MILR1: variants seen among roughly 807,000 people sequenced by gnomAD.
MILR1 encodes allergin-1.
MILR1 carries 31 observed loss-of-function variants against 18.5 expected under a neutral mutation model. The observed-to-expected ratio is 1.68, with a 90% CI of 1.26 to 2.26. MILR1 has a LOEUF of 2.26. Ranked by LOEUF, MILR1 falls within the 30% of genes most tolerant of loss-of-function variation. The probability of loss-of-function intolerance (pLI) is 0.00; values close to 1 mark genes in which losing one functional copy is unlikely to be tolerated. For synonymous variants in MILR1, 85 were observed against 56.2 expected (o/e 1.51, Z -2.30); for missense variants, 257 against 157.4 (o/e 1.63, Z -3.38).
At chr17:64,483,638 C>T in the MILR1 span, among the ~76,000 whole-genome samples, 1 of 151,876 alleles carries the variant, frequency 6.6e-6, no homozygotes, top group Non-Finnish European at 1.5e-5. Context: ...ACCATTTCAA[C>T]TTTCTCTCTC....
At chr17:64,453,865 C>T (rs1351339474) in intron 3 of MILR1, among the ~76,000 whole-genome samples, 8 of 152,032 alleles carry the variant, frequency 5.3e-5, no homozygotes, top group Non-Finnish European at 1.2e-4. Context: ...TTGAGTGGTC[C>T]TCTATGTCTA....
At chr17:64,494,479 G>A in the MILR1 span, among the ~76,000 whole-genome samples, 8 of 152,088 alleles carry the variant, frequency 5.3e-5, no homozygotes, top group East Asian at 1.9e-4. Flanking sequence ...CAATGATATC[G>A]GGGTTTGCAA....
the MILR1 span, among the ~76,000 whole-genome samples, chr17:64,477,613 CAATTTGCTT>C: frequency 6.6e-6 from 1 of 152,132 alleles, no homozygotes; most frequent in African/African-American, 2.4e-5. Context: ...AAACAAACCC[CAATTTGCTT>C]AATCCAGTAT....
chr17:64,487,386 G>GCTC, the MILR1 span: 3 of 152,290 alleles, frequency 2.0e-5, no homozygotes, highest in Middle Eastern at 6.8e-3. Flanking sequence ...GGCCATGGTG[G>GCTC]ACGAATCACT....
the MILR1 span, among the ~76,000 whole-genome samples, chr17:64,488,794 C>T: frequency 3.3e-5 from 5 of 151,848 alleles, no homozygotes; most frequent in Admixed American, 6.6e-5. Context: ...ATGGTGAAAC[C>T]CTGTCTCTAC....
chr17:64,481,369 A>C, the MILR1 span: 2 of 985,136 alleles, frequency 2.0e-6, no homozygotes, highest in Non-Finnish European at 2.4e-6. Flanking sequence ...AAAGTCTTTA[A>C]ATCTTTTTAG....
chr17:64,495,854 G>A, the MILR1 span, among the ~76,000 whole-genome samples: 1 of 151,876 alleles, frequency 6.6e-6, no homozygotes, highest in African/African-American at 2.4e-5. Context: ...GATTACAGGC[G>A]CTCGCCGTCA....
chr17:64,490,540 A>G, the MILR1 span: 1 of 475,378 alleles, frequency 2.1e-6, no homozygotes. Context: ...ACTACATGAA[A>G]GACAAGATCT....
intron 3 of MILR1, among the ~76,000 whole-genome samples, chr17:64,456,592 C>T (rs2037306028): frequency 6.6e-6 from 1 of 152,154 alleles, no homozygotes; most frequent in Non-Finnish European, 1.5e-5. Context: ...GGGAAAATCA[C>T]TTGAAGCCAA....
chr17:64,464,106 C>T (rs1226870720), intron 5 of MILR1, among the ~76,000 whole-genome samples: 20 of 149,722 alleles, frequency 1.3e-4, no homozygotes, highest in Admixed American at 9.4e-4. Context: ...GGTGAGCCAC[C>T]GCGCCTGACA....
chr17:64,453,574 C>T (rs1421295205), intron 3 of MILR1, among the ~76,000 whole-genome samples: 1 of 147,094 alleles, frequency 6.8e-6, no homozygotes, highest in Non-Finnish European at 1.5e-5. Flanking sequence ...CCTTGGGCCC[C>T]TTGGAGAGGG....
At chr17:64,492,734 G>A in the MILR1 span, 2 of 1,613,222 alleles carry the variant, frequency 1.2e-6, no homozygotes, top group Non-Finnish European at 1.7e-6. Context: ...TCTCGGAGGA[G>A]TAAACCATAC....
At chr17:64,479,504 A>T in the MILR1 span, among the ~76,000 whole-genome samples, 4 of 152,102 alleles carry the variant, frequency 2.6e-5, no homozygotes, top group Non-Finnish European at 5.9e-5. Context: ...TATTTTAACA[A>T]ATGTTCAGAG....
At chr17:64,490,915 G>A in the MILR1 span, 15 of 1,613,704 alleles carry the variant, frequency 9.3e-6, no homozygotes, top group African/African-American at 4.0e-5. Context: ...TTTCCTTTCC[G>A]GCCTTCTTCA....
chr17:64,492,846 G>T, the MILR1 span: 3 of 1,609,510 alleles, frequency 1.9e-6, no homozygotes, highest in East Asian at 2.2e-5. Context: ...GAAATGACTG[G>T]TTTTTGACTA....
chr17:64,495,731 G>C, the MILR1 span, among the ~76,000 whole-genome samples: 2 of 150,662 alleles, frequency 1.3e-5, no homozygotes, highest in Non-Finnish European at 2.9e-5. Context: ...TTTTTAAGAC[G>C]GAGTTTTGCT....
chr17:64,472,615 CTA>C (rs1555664814), downstream of MILR1, among the ~76,000 whole-genome samples: 1 of 150,200 alleles, frequency 6.7e-6, no homozygotes, highest in Non-Finnish European at 1.5e-5. Context: ...TGTACCTTTT[CTA>C]TGTTTAGACA....
chr17:64,484,332 T>C, the MILR1 span: 1 of 152,408 alleles, frequency 6.6e-6, no homozygotes, highest in Middle Eastern at 3.4e-3. Context: ...AAGAGCACTC[T>C]AGGCAATGGG....
At chr17:64,474,297 A>C in the MILR1 span, among the ~76,000 whole-genome samples, 3 of 151,306 alleles carry the variant, frequency 2.0e-5, no homozygotes, top group African/African-American at 7.3e-5. Context: ...CTGATCTTGA[A>C]CTCTTGACCT....
Sources: gnomAD v4.1 joint callset for allele counts (sites outside exome capture counted in the v4.1 genomes callset) on GRCh38, gnomAD v4.1.1 for gene constraint, MANE v1.5 for transcripts, NCBI Gene and HGNC (gene_info 2026-07-23, HGNC 2026-07-21) for gene names.